CPEB3: variants seen among roughly 807,000 people sequenced by gnomAD.
CPEB3 encodes the protein cytoplasmic polyadenylation element-binding protein 3.
CPEB3 carries 20 observed loss-of-function variants against 67.2 expected under a neutral mutation model. That is an observed-to-expected ratio of 0.30 (90% CI 0.21 to 0.43). The LOEUF (loss-of-function observed/expected upper bound fraction) is 0.43. CPEB3 is among the 20% of genes least tolerant of loss of function. The probability of loss-of-function intolerance (pLI) is 1.00; values close to 1 mark genes in which losing one functional copy is unlikely to be tolerated. For missense variants in CPEB3, 746 were observed against 968.6 expected, an observed-to-expected ratio of 0.77 and a Z score of 3.05; for synonymous variants, 376 against 393.1, an observed-to-expected ratio of 0.96 and a Z score of 0.51.
chr10:92,163,478 A>G (rs1181016357), intron 4 of CPEB3, among the ~76,000 whole-genome samples: 3 of 152,210 alleles, frequency 2.0e-5, no homozygotes, highest in Non-Finnish European at 2.9e-5. Flanking sequence ...ACACCTTGCA[A>G]CTTATTTTTT....
At chr10:92,174,297 C>A (rs1006599635) in intron 4 of CPEB3, among the ~76,000 whole-genome samples, 5 of 152,236 alleles carry the variant, frequency 3.3e-5, no homozygotes, top group Admixed American at 3.3e-4. Context: ...CTGCCCAACA[C>A]AAATGTTCAT....
At chr10:92,220,578 T>C (rs1022761784) in intron 2 of CPEB3, among the ~76,000 whole-genome samples, 1 of 143,320 alleles carries the variant, frequency 7.0e-6, no homozygotes, top group African/African-American at 2.6e-5. Flanking sequence ...AACTGCCATG[T>C]TAAAAAAAAA....
At chr10:92,247,385 T>G (rs1445354249) in intron 1 of CPEB3, among the ~76,000 whole-genome samples, 1 of 151,750 alleles carries the variant, frequency 6.6e-6, no homozygotes, top group East Asian at 1.9e-4. Context: ...GCCTAATTAT[T>G]TTATTTTATT....
intron 6 of CPEB3, among the ~76,000 whole-genome samples, chr10:92,112,230 T>C (rs1844784534): frequency 6.7e-6 from 1 of 150,038 alleles, no homozygotes; most frequent in Non-Finnish European, 1.5e-5. Context: ...CTGCAACTTC[T>C]GCCTCCCGGG....
intron 5 of CPEB3, 88 bp downstream of exon 5, chr10:92,144,857 C>T (rs913216899): frequency 2.1e-5 from 26 of 1,221,880 alleles, no homozygotes; most frequent in Non-Finnish European, 2.8e-5. Flanking sequence ...TATAGATGTC[C>T]TAAAGTTGAC....
rs151260778 is a variant in CPEB3, at chr10:92,233,298, G to A, written c.1005+6048C>T. 6.6e-4 allele frequency among the ~76,000 whole-genome samples: 101 copies of A among 152,184 alleles called. No individual in the cohort carries two copies. The East Asian group carries it at 0.018, about 27-fold the overall frequency. ...AATCTCAGCACTTTGGGAGGCCCAGGCTGGCAGAGAACTCGAGGTCAGGAG... is the reference window on the plus strand; with the variant it reads ...AATCTCAGCACTTTGGGAGGCCCAGACTGGCAGAGAACTCGAGGTCAGGAG... On this transcript the variant is annotated intron_variant, in intron 2 of 9. Transcript: ENST00000265997.
chr10:92,272,938 A>G (rs1376719233), intron 1 of CPEB3, among the ~76,000 whole-genome samples: 11 of 152,182 alleles, frequency 7.2e-5, no homozygotes, highest in Non-Finnish European at 7.3e-5. Flanking sequence ...GTGAAGGTCA[A>G]TGTGGGGAGG....
chr10:92,200,902 T>C lies in CPEB3; in HGVS notation c.1006-8266A>G, dbSNP rs527932443. On this transcript the variant is annotated intron_variant, in intron 2 of 9. Coordinates refer to ENST00000265997, the MANE Select transcript of CPEB3 (RefSeq NM_014912.5). ...TTAGTATATCATACACAGAGAAACATGGCTCTCGGAATTACCTGACATGAC... is the reference window on the plus strand; with the variant it reads ...TTAGTATATCATACACAGAGAAACACGGCTCTCGGAATTACCTGACATGAC... Among the ~76,000 whole-genome samples, 11 of 152,292 alleles carry C rather than the reference T, an allele frequency of 7.2e-5. No individual in the cohort carries two copies. The East Asian group carries it at 1.9e-3, about 27-fold the overall frequency.
At chr10:92,075,174 A>T (rs1352645698) in intron 9 of CPEB3, among the ~76,000 whole-genome samples, 1 of 152,234 alleles carries the variant, frequency 6.6e-6, no homozygotes, top group Non-Finnish European at 1.5e-5. Flanking sequence ...TTACTCCAAC[A>T]AGAGGGACTC....
intron 4 of CPEB3, among the ~76,000 whole-genome samples, chr10:92,165,398 T>G (rs1418309977): frequency 1.2e-5 from 1 of 84,944 alleles, no homozygotes; most frequent in South Asian, 4.8e-4. Context: ...TGTCACTTTT[T>G]TCTTCTTTTT....
At chr10:92,191,566 A>C (rs563790627) in intron 3 of CPEB3, among the ~76,000 whole-genome samples, 1 of 152,254 alleles carries the variant, frequency 6.6e-6, no homozygotes, top group East Asian at 1.9e-4. Context: ...TGAGGAAATG[A>C]GCATCAGGTG....
chr10:92,065,374 C>A (rs1037431196), intron 9 of CPEB3, among the ~76,000 whole-genome samples: 1 of 152,138 alleles, frequency 6.6e-6, no homozygotes, highest in Non-Finnish European at 1.5e-5. Context: ...GCATGTGCCA[C>A]CATGCCTGGC....
At chr10:92,204,357 T>C (rs1849680376) in intron 2 of CPEB3, 1 of 152,180 alleles carries the variant, frequency 6.6e-6, no homozygotes, top group South Asian at 2.1e-4. Flanking sequence ...AATCATCCTA[T>C]AGCAATAAAA....
At chr10:92,181,575 A>G (rs1472256628) in intron 3 of CPEB3, among the ~76,000 whole-genome samples, 1 of 152,102 alleles carries the variant, frequency 6.6e-6, no homozygotes, top group Non-Finnish European at 1.5e-5. Flanking sequence ...GCTCTCCCTA[A>G]CACTAACTAG....
chr10:92,200,783 A>C (rs1284098232), intron 2 of CPEB3, among the ~76,000 whole-genome samples: 3 of 152,006 alleles, frequency 2.0e-5, no homozygotes, highest in African/African-American at 7.3e-5. Flanking sequence ...ACTCAACTTG[A>C]AGCACATTTT....
In CPEB3 at chr10:92,160,492, A is replaced by G. The variant is rs74149384; in HGVS notation, c.1223-15407T>C. Among the ~76,000 whole-genome samples, 433 of 152,308 alleles carry G rather than the reference A, an allele frequency of 2.8e-3. 1 individual carries two copies. Among genetic ancestry groups the G allele is most frequent in the African/African-American group, 9.8e-3 (409 of 41,580 alleles). The stretch of plus-strand genomic sequence containing the variant: ...TTCAAAAAAGATGAAATAAATTTTG[A>G]CATCCTATCACTTGTCTCTTTGTCC... On this transcript the variant is annotated intron_variant, in intron 4 of 9. Coordinates refer to ENST00000265997, the MANE Select transcript of CPEB3 (RefSeq NM_014912.5).
chr10:92,115,209 A>C (rs1355467483), intron 6 of CPEB3, among the ~76,000 whole-genome samples: 1 of 152,204 alleles, frequency 6.6e-6, no homozygotes, highest in Non-Finnish European at 1.5e-5. Context: ...GCGGGAGTGC[A>C]GTGAGGCGAT....
At position 92,200,910 on chromosome 10, in the gene CPEB3, G is replaced by A. The variant is rs116843373; in HGVS notation, c.1006-8274C>T. Among the ~76,000 whole-genome samples, 906 of 152,172 alleles carry A rather than the reference G, an allele frequency of 6.0e-3. 5 individuals are homozygous for A. Among genetic ancestry groups the A allele is most frequent in the Middle Eastern group, 0.041 (12 of 294 alleles). On this transcript the variant is annotated intron_variant, in intron 2 of 9. Transcript: ENST00000265997. ...TCATACACAGAGAAACATGGCTCTC[G>A]GAATTACCTGACATGACCCTACATT... is the stretch of plus-strand genomic sequence containing the variant.
intron 9 of CPEB3, among the ~76,000 whole-genome samples, chr10:92,066,200 T>C (rs1842541357): frequency 6.6e-6 from 1 of 152,004 alleles, no homozygotes; most frequent in Non-Finnish European, 1.5e-5. Context: ...TTTTAAAAAA[T>C]ATACTATGCA....
Sources: allele counts gnomAD v4.1 joint callset (sites outside exome capture counted in the v4.1 genomes callset), GRCh38; gene constraint gnomAD v4.1.1; transcripts MANE v1.5; gene names NCBI Gene and HGNC (gene_info 2026-07-23, HGNC 2026-07-21).